RAPGEF2: variants seen among roughly 807,000 people sequenced by gnomAD.
RAPGEF2 encodes the protein PDZ domain containing guanine nucleotide exchange factor (GEF) 1.
In RAPGEF2, 54 loss-of-function variants were observed where a neutral mutation model predicts 186.7. The observed-to-expected ratio is 0.29, with a 90% CI of 0.23 to 0.36. The LOEUF is 0.36. RAPGEF2 is among the 10% of genes least tolerant of loss of function. The pLI is 1.00. For missense variants in RAPGEF2, 1,532 were observed against 2,045.0 expected, an observed-to-expected ratio of 0.75 and a Z score of 4.84; for synonymous variants, 712 against 705.9, an observed-to-expected ratio of 1.01 and a Z score of -0.14.
At chr4:159,342,543 T>TTTATA (rs1561316600) in intron 20 of RAPGEF2, among the ~76,000 whole-genome samples, 4 of 108,106 alleles carry the variant, frequency 3.7e-5, no homozygotes, top group Middle Eastern at 3.8e-3. Flanking sequence ...TTTATTTTAT[T>TTTATA]TTATTTTATA....
chr4:159,170,544 G>A (rs1051432985), intron 1 of RAPGEF2, among the ~76,000 whole-genome samples: 1 of 152,146 alleles, frequency 6.6e-6, no homozygotes, highest in Non-Finnish European at 1.5e-5. Context: ...GATGTGCATA[G>A]GCTACACGCA....
intron 1 of RAPGEF2, among the ~76,000 whole-genome samples, chr4:159,139,242 A>G (rs919574331): frequency 1.3e-5 from 2 of 152,224 alleles, no homozygotes; most frequent in African/African-American, 4.8e-5. Context: ...TGAAGAATTC[A>G]TACAATAGCA....
chr4:159,202,652 A>T (rs1303337064), intron 3 of RAPGEF2, among the ~76,000 whole-genome samples: 1 of 152,154 alleles, frequency 6.6e-6, no homozygotes, highest in East Asian at 1.9e-4. Context: ...CCCAGGCTGG[A>T]GTGCAGTGGC....
chr4:159,130,094 G>A (rs567966348), intron 1 of RAPGEF2, among the ~76,000 whole-genome samples: 5 of 152,150 alleles, frequency 3.3e-5, no homozygotes, highest in African/African-American at 1.2e-4. Context: ...CTGTCATGGC[G>A]CTAGTGGGAG....
intron 1 of RAPGEF2, among the ~76,000 whole-genome samples, chr4:159,122,913 G>C (rs1739865311): frequency 6.6e-6 from 1 of 152,162 alleles, no homozygotes; most frequent in African/African-American, 2.4e-5. Flanking sequence ...ATTAAGATCT[G>C]CAACTGCAGT....
At chr4:159,175,960 G>T (rs972314751) in intron 1 of RAPGEF2, among the ~76,000 whole-genome samples, 6 of 152,130 alleles carry the variant, frequency 3.9e-5, no homozygotes. Context: ...GAGTGTCTTT[G>T]TTCAAGGTGC....
chr4:159,277,744 A>G (rs1368082427), intron 7 of RAPGEF2, among the ~76,000 whole-genome samples: 4 of 152,142 alleles, frequency 2.6e-5, no homozygotes, highest in Non-Finnish European at 5.9e-5. Context: ...GTGTCTGTTC[A>G]TATCCTTTGC....
chr4:159,284,695 C>G (rs1268489534), intron 7 of RAPGEF2, among the ~76,000 whole-genome samples: 2 of 152,166 alleles, frequency 1.3e-5, no homozygotes, highest in Admixed American at 6.5e-5. Context: ...TTTGAACCAT[C>G]ATTAACTGGA....
At chr4:159,193,785 A>T (rs536338805) in intron 3 of RAPGEF2, among the ~76,000 whole-genome samples, 22 of 152,366 alleles carry the variant, frequency 1.4e-4, no homozygotes, top group African/African-American at 5.3e-4. Flanking sequence ...AAATATTGGC[A>T]TATTAACATA....
intron 8 of RAPGEF2, 112 bp from the exon 9 acceptor site, chr4:159,314,478 TG>T: frequency 1.0e-6 from 1 of 996,058 alleles, no homozygotes; most frequent in Non-Finnish European, 1.4e-6. Flanking sequence ...AGTTGTTGGA[TG>T]GAAAAATAAA....
chr4:159,167,454 C>G (rs1745448798), intron 1 of RAPGEF2, among the ~76,000 whole-genome samples: 1 of 152,184 alleles, frequency 6.6e-6, no homozygotes, highest in African/African-American at 2.4e-5. Context: ...AATGACGGTT[C>G]AAAGCCCAGC....
At chr4:159,256,192 G>A (rs956793951) in intron 7 of RAPGEF2, among the ~76,000 whole-genome samples, 1 of 152,180 alleles carries the variant, frequency 6.6e-6, no homozygotes, top group Non-Finnish European at 1.5e-5. Context: ...TTAAGCCCAT[G>A]TATTAGCTTT....
chr4:159,339,764 T>G (rs184016556), intron 19 of RAPGEF2, among the ~76,000 whole-genome samples: 30 of 152,344 alleles, frequency 2.0e-4, no homozygotes, highest in Non-Finnish European at 3.5e-4. Flanking sequence ...CATATTCTAG[T>G]GTCATTTGCT....
At chr4:159,154,947 C>CTAT (rs1401230186) in intron 1 of RAPGEF2, among the ~76,000 whole-genome samples, 2 of 152,076 alleles carry the variant, frequency 1.3e-5, no homozygotes, top group Non-Finnish European at 2.9e-5. Flanking sequence ...GTTGTATAAC[C>CTAT]TATTATAAGT....
Position 159,338,389 on chromosome 4 carries a change from T to C in RAPGEF2, c.2214T>C (p.Pro738=). The C allele has an allele frequency of 6.2e-7, 1 of 1,614,136 alleles. No homozygotes were observed. The highest frequency in any genetic ancestry group is 8.5e-7 in the Non-Finnish European group (1 of 1,179,950). Residue 738 remains proline, a synonymous_variant, in exon 18 of 30, where the codon CCT becomes CCC. Transcript: ENST00000691494. ...CAAAGCACATCCCAACTGCATTGCCTGTCAGTGGAACCTTATCATCCAGTA... is the reference window on the plus strand; with the variant it reads ...CAAAGCACATCCCAACTGCATTGCCCGTCAGTGGAACCTTATCATCCAGTA... The part of the protein sequence containing the change: ...RQTKHIPTAL[P]VSGTLSSSNP...
intron 3 of RAPGEF2, among the ~76,000 whole-genome samples, chr4:159,206,341 G>A (rs1245652765): frequency 6.6e-6 from 1 of 152,196 alleles, no homozygotes; most frequent in Admixed American, 6.5e-5. Flanking sequence ...GGTGCTGGAA[G>A]TTGAGTGTGT....
intron 3 of RAPGEF2, among the ~76,000 whole-genome samples, chr4:159,201,897 T>C (rs1380848374): frequency 2.0e-5 from 3 of 152,218 alleles, no homozygotes; most frequent in African/African-American, 7.2e-5. Flanking sequence ...TCTTGTTTTA[T>C]AGGCATGTGA....
intron 4 of RAPGEF2, among the ~76,000 whole-genome samples, chr4:159,217,296 G>C (rs1456131786): frequency 6.6e-6 from 1 of 152,120 alleles, no homozygotes; most frequent in Non-Finnish European, 1.5e-5. Context: ...GTATACAATA[G>C]GTAGCTTTTC....
At chr4:159,206,132 G>T (rs1032414914) in intron 3 of RAPGEF2, among the ~76,000 whole-genome samples, 2 of 152,104 alleles carry the variant, frequency 1.3e-5, no homozygotes, top group Non-Finnish European at 2.9e-5. Flanking sequence ...GGGTTTCACC[G>T]TGTTAGCCAG....
Sources: gnomAD v4.1 joint callset for allele counts (sites outside exome capture counted in the v4.1 genomes callset) on GRCh38, gnomAD v4.1.1 for gene constraint, MANE v1.5 for transcripts, NCBI Gene and HGNC (gene_info 2026-07-23, HGNC 2026-07-21) for gene names.